MATCAP1: variants seen among roughly 807,000 people sequenced by gnomAD.
The protein encoded by MATCAP1 is microtubule associated tyrosine carboxypeptidase 1.
the MATCAP1 span, chr16:67,176,994 C>T: frequency 6.5e-7 from 1 of 1,532,406 alleles, no homozygotes; most frequent in Non-Finnish European, 8.8e-7. The surrounding 1 kb of genome is among the most constrained non-coding windows in gnomAD (Gnocchi z 4.3). Context: ...GGAAGCCGGG[C>T]ATCAGGCATA....
the MATCAP1 span, chr16:67,178,390 A>C: frequency 6.4e-7 from 1 of 1,550,578 alleles, no homozygotes. Context: ...CACGCTGTGC[A>C]GGCTGGCCAG....
the MATCAP1 span, chr16:67,180,068 G>C: frequency 1.9e-6 from 3 of 1,614,056 alleles, no homozygotes; most frequent in Non-Finnish European, 2.5e-6. Flanking sequence ...CAGAGGCCTC[G>C]CAGTACTTTT....
chr16:67,176,053 CAGTGTGTGTGTGTG>C, the MATCAP1 span: 1 of 120,560 alleles, frequency 8.3e-6, no homozygotes, highest in East Asian at 2.6e-4. This position sits in a 1 kb window ranked among gnomAD's most constrained non-coding sequence, Gnocchi z 4.3. Context: ...AGGCCTGAAT[CAGTGTGTGTGTGTG>C]TGTGTGTGTG....
the MATCAP1 span, chr16:67,179,040 A>C: frequency 9.2e-7 from 1 of 1,083,746 alleles, no homozygotes; most frequent in Non-Finnish European, 1.2e-6. The surrounding 1 kb of genome is among the most constrained non-coding windows in gnomAD (Gnocchi z 5.2). Flanking sequence ...CCTCAAGTCA[A>C]GTCCATTCCC....
chr16:67,179,253 T>G, the MATCAP1 span: 22 of 1,444,760 alleles, frequency 1.5e-5, no homozygotes, highest in Non-Finnish European at 1.9e-5. This position sits in a 1 kb window ranked among gnomAD's most constrained non-coding sequence, Gnocchi z 5.2. Context: ...AGGCATGTTC[T>G]GGCCTACCTC....
the MATCAP1 span, chr16:67,177,057 C>G: frequency 7.7e-7 from 1 of 1,303,260 alleles, no homozygotes; most frequent in Admixed American, 2.7e-5. Flanking sequence ...GCTTACAGCT[C>G]ACAGCCTTTG....
the MATCAP1 span, chr16:67,178,803 A>C: frequency 6.2e-6 from 4 of 648,910 alleles, no homozygotes; most frequent in East Asian, 3.1e-5. Context: ...CCAAACTGAC[A>C]TTGCCCCCAG....
At chr16:67,180,314 C>A in the MATCAP1 span, 1 of 1,612,244 alleles carries the variant, frequency 6.2e-7, no homozygotes, top group Non-Finnish European at 8.5e-7. Context: ...CAGGTGGAGG[C>A]CGTCCCAGGG....
At chr16:67,182,420 C>T in the MATCAP1 span, among the ~76,000 whole-genome samples, 14 of 152,212 alleles carry the variant, frequency 9.2e-5, no homozygotes, top group East Asian at 9.6e-4. Context: ...TCTCCATTTA[C>T]GTTCACTCCC....
At chr16:67,180,432 T>C in the MATCAP1 span, 2 of 1,611,754 alleles carry the variant, frequency 1.2e-6, no homozygotes, top group African/African-American at 2.7e-5. Context: ...CTGCTCAGGC[T>C]GGGGCTGCAG....
At chr16:67,181,337 G>A in the MATCAP1 span, among the ~76,000 whole-genome samples, 8 of 152,156 alleles carry the variant, frequency 5.3e-5, no homozygotes, top group Admixed American at 3.9e-4. Flanking sequence ...TGCTTACGCC[G>A]GTACCCCCCA....
the MATCAP1 span, chr16:67,178,247 C>T: frequency 6.4e-7 from 1 of 1,562,802 alleles, no homozygotes; most frequent in East Asian, 2.4e-5. Flanking sequence ...ACGCAGTACT[C>T]CCAGCGCACA....
chr16:67,178,055 T>G, the MATCAP1 span: 6 of 1,614,076 alleles, frequency 3.7e-6, no homozygotes, highest in Non-Finnish European at 5.1e-6. Flanking sequence ...TCTGGCGATG[T>G]CGCAGAATGC....
the MATCAP1 span, among the ~76,000 whole-genome samples, chr16:67,182,759 T>A: frequency 6.6e-6 from 1 of 152,210 alleles, no homozygotes; most frequent in Non-Finnish European, 1.5e-5. Context: ...AATCTCTGCA[T>A]CAATACCATG....
At chr16:67,178,650 C>G in the MATCAP1 span, 1 of 775,564 alleles carries the variant, frequency 1.3e-6, no homozygotes, top group Non-Finnish European at 2.2e-6. Context: ...CGCACACAGG[C>G]TCTCCCAGCC....
At chr16:67,178,280 C>A in the MATCAP1 span, 1 of 1,574,604 alleles carries the variant, frequency 6.4e-7, no homozygotes, top group East Asian at 2.4e-5. Flanking sequence ...ACGTAGCGCT[C>A]CAGGTCCTGG....
the MATCAP1 span, chr16:67,178,099 T>C: frequency 6.2e-7 from 1 of 1,613,408 alleles, no homozygotes; most frequent in Non-Finnish European, 8.5e-7. Flanking sequence ...TGGTCCTTGC[T>C]GAAACAACCT....
At chr16:67,180,094 G>A in the MATCAP1 span, 1 of 1,614,210 alleles carries the variant, frequency 6.2e-7, no homozygotes, top group East Asian at 2.2e-5. Context: ...ACAGCCGTGG[G>A]CATGGGCTCC....
At chr16:67,178,423 G>A in the MATCAP1 span, 10 of 1,540,308 alleles carry the variant, frequency 6.5e-6, no homozygotes, top group Non-Finnish European at 8.7e-6. Context: ...GGGGTTCGCC[G>A]GCCGCAGCCC....
Sources: allele counts gnomAD v4.1 joint callset (sites outside exome capture counted in the v4.1 genomes callset), GRCh38; gene constraint gnomAD v4.1.1; non-coding constraint Gnocchi (gnomAD v3.1); transcripts MANE v1.5; gene names NCBI Gene and HGNC (gene_info 2026-07-23, HGNC 2026-07-21).